ARHGEF28: variants seen among roughly 807,000 people sequenced by gnomAD.
The protein encoded by ARHGEF28 is Rho guanine nucleotide exchange factor 28.
Under a neutral mutation model 206.6 loss-of-function variants are expected in ARHGEF28, and 152 were observed. The observed-to-expected ratio is 0.74, with a 90% CI of 0.64 to 0.84. The LOEUF (loss-of-function observed/expected upper bound fraction) is 0.84, where lower values mean the gene tolerates loss of function less well. ARHGEF28 is among the 40% of genes least tolerant of loss of function. The probability of loss-of-function intolerance (pLI) is 0.00; values close to 1 mark genes in which losing one functional copy is unlikely to be tolerated. For synonymous variants in ARHGEF28, 763 were observed against 776.4 expected (o/e 0.98, Z 0.29); for missense variants, 2,028 against 2,073.2 (o/e 0.98, Z 0.42).
chr5:73,649,796 T>C (rs1001763967), intron 1 of ARHGEF28, among the ~76,000 whole-genome samples: 4 of 152,162 alleles, frequency 2.6e-5, no homozygotes, highest in Non-Finnish European at 4.4e-5. Flanking sequence ...TGTTCCTCCA[T>C]TGCCCAAGTA....
At chr5:73,782,340 G>C (rs1002592845) in intron 7 of ARHGEF28, among the ~76,000 whole-genome samples, 1 of 152,128 alleles carries the variant, frequency 6.6e-6, no homozygotes, top group Non-Finnish European at 1.5e-5. Context: ...TCGGGAGGCT[G>C]AGACAAGAGA....
chr5:73,849,001 C>T lies in ARHGEF28; in HGVS notation c.1661C>T (p.Ser554Leu). Reference sequence around the variant, plus strand: ...GAATCACTGCTTTCTGGAGTTCGCTCACGTTCTTATTCTTGCTCATCACCC... The same window carrying T: ...GAATCACTGCTTTCTGGAGTTCGCTTACGTTCTTATTCTTGCTCATCACCC... The part of the protein sequence containing the change: ...SKESLLSGVR[S>L]RSYSCSSPKI... Residue 554 changes from serine (S) to leucine (L), a missense_variant, in exon 13 of 36, where the codon TCA (serine) becomes TTA (leucine). Transcript: ENST00000513042. 2.5e-6 allele frequency: 4 copies of T among 1,573,806 alleles called. No individual in the cohort carries two copies. Among genetic ancestry groups the T allele is most frequent in the Non-Finnish European group, 3.5e-6 (4 of 1,157,284 alleles).
In ARHGEF28 at chr5:73,817,647, G is replaced by A. The variant is rs1756305694; in HGVS notation, c.1025-14691G>A. On this transcript the variant is annotated intron_variant, in intron 9 of 35. Coordinates refer to ENST00000513042, the MANE Select transcript of ARHGEF28 (RefSeq NM_001177693.2). ...ATGTTGTCTTGTAGAAGACCTGTAT[G>A]TTAGATGTGATTGTCATCTTCATTT... is the stretch of plus-strand genomic sequence containing the variant. Among the ~76,000 whole-genome samples the A allele has an allele frequency of 2.0e-5, 3 of 152,204 alleles. No homozygotes were observed. In the South Asian group the frequency reaches 6.2e-4, roughly 32 times the overall value.
intron 29 of ARHGEF28, among the ~76,000 whole-genome samples, chr5:73,897,002 T>C (rs139918623): frequency 2.4e-4 from 36 of 152,276 alleles, no homozygotes; most frequent in African/African-American, 8.2e-4. Context: ...CTTATCAGAG[T>C]GAGGGAGTTA....
intron 2 of ARHGEF28, among the ~76,000 whole-genome samples, chr5:73,732,053 A>G (rs1750653436): frequency 6.7e-6 from 1 of 149,058 alleles, no homozygotes; most frequent in African/African-American, 2.5e-5. Flanking sequence ...ATGAACTAAC[A>G]TTGACACATC....
At chr5:73,726,404 A>G (rs976768917) in intron 2 of ARHGEF28, among the ~76,000 whole-genome samples, 1 of 152,100 alleles carries the variant, frequency 6.6e-6, no homozygotes, top group Non-Finnish European at 1.5e-5. Context: ...AAAATAATTT[A>G]TTTTCAAAGA....
rs944443023 is a variant in ARHGEF28, at chr5:73,755,117, T to C, written c.475+1915T>C. ...ATCGTCTGGAGATACACCCTTTCTATCTCACATATGTAAGTGATAGATGAC... is the reference window on the plus strand; with the variant it reads ...ATCGTCTGGAGATACACCCTTTCTACCTCACATATGTAAGTGATAGATGAC... On this transcript the variant is annotated intron_variant, in intron 4 of 35. Coordinates refer to ENST00000513042, the MANE Select transcript of ARHGEF28 (RefSeq NM_001177693.2). Among the ~76,000 whole-genome samples, 4 of 151,606 alleles carry C rather than the reference T, an allele frequency of 2.6e-5. No individual in the cohort carries two copies. In the East Asian group the frequency reaches 7.7e-4, roughly 29 times the overall value.
intron 1 of ARHGEF28, among the ~76,000 whole-genome samples, chr5:73,673,977 GC>G (rs1360111921): frequency 5.4e-4 from 81 of 149,646 alleles, no homozygotes; most frequent in African/African-American, 1.9e-3. Context: ...TTCAAGACCA[GC>G]CTGGGCAACA....
chr5:73,717,667 G>GT (rs1485846777), intron 2 of ARHGEF28, among the ~76,000 whole-genome samples: 2 of 152,112 alleles, frequency 1.3e-5, no homozygotes, highest in African/African-American at 4.8e-5. Flanking sequence ...TGCATGTCAG[G>GT]TATTGCACTA....
chr5:73,775,973 T>A lies in ARHGEF28; in HGVS notation c.660-543T>A, dbSNP rs756356705. Among the ~76,000 whole-genome samples, 94 of 113,448 alleles carry A rather than the reference T, an allele frequency of 8.3e-4. 1 individual carries two copies. Among genetic ancestry groups the A allele is most frequent in the Admixed American group, 8.8e-4 (10 of 11,366 alleles). The allele number at this position is 113,448 out of a possible 152,430, so 74.4% of individuals were successfully genotyped here. A position where few individuals can be genotyped will look rare whatever the true frequency, so the allele number is the denominator to read the frequency against. On this transcript the variant is annotated intron_variant, in intron 5 of 35. Coordinates refer to ENST00000513042, the MANE Select transcript of ARHGEF28 (RefSeq NM_001177693.2). Reference sequence around the variant, plus strand: ...GTCGTTCCTTTGTGTGTGAGTGTGTTCAGAAATACAACATGATCAAATTTG... The same window carrying A: ...GTCGTTCCTTTGTGTGTGAGTGTGTACAGAAATACAACATGATCAAATTTG...
chr5:73,842,757 TC>T (rs1442675203), intron 11 of ARHGEF28, among the ~76,000 whole-genome samples: 10 of 152,164 alleles, frequency 6.6e-5, no homozygotes, highest in African/African-American at 2.4e-4. Flanking sequence ...GGCAGGTGGA[TC>T]ACCTGAGGTC....
At chr5:73,727,693 G>A (rs1048708505) in intron 2 of ARHGEF28, among the ~76,000 whole-genome samples, 11 of 152,194 alleles carry the variant, frequency 7.2e-5, no homozygotes, top group Non-Finnish European at 1.3e-4. Flanking sequence ...GAGAACAGCT[G>A]TCATATCCTC....
intron 1 of ARHGEF28, among the ~76,000 whole-genome samples, chr5:73,684,292 A>G (rs529613576): frequency 4.9e-4 from 75 of 152,304 alleles, no homozygotes; most frequent in African/African-American, 1.7e-3. Flanking sequence ...GAGTTGGACT[A>G]TCTAGGTACC....
chr5:73,671,208 C>T (rs181189427), intron 1 of ARHGEF28, among the ~76,000 whole-genome samples: 2 of 152,180 alleles, frequency 1.3e-5, no homozygotes, highest in African/African-American at 2.4e-5. Flanking sequence ...GAGAGTTACC[C>T]TCCCTCATCA....
chr5:73,683,296 C>G (rs1747223337), intron 1 of ARHGEF28, among the ~76,000 whole-genome samples: 1 of 152,146 alleles, frequency 6.6e-6, no homozygotes, highest in African/African-American at 2.4e-5. Context: ...TTGTCCATCT[C>G]CAGAACACTT....
chr5:73,776,910 C>T (rs1753576230), intron 6 of ARHGEF28, among the ~76,000 whole-genome samples: 1 of 151,822 alleles, frequency 6.6e-6, no homozygotes, highest in African/African-American at 2.4e-5. Flanking sequence ...TTTTCTGAGC[C>T]AGTCTTTTCC....
intron 4 of ARHGEF28, among the ~76,000 whole-genome samples, chr5:73,756,166 T>C (rs1282788734): frequency 6.6e-6 from 1 of 152,208 alleles, no homozygotes; most frequent in African/African-American, 2.4e-5. Flanking sequence ...GTTGTGATGA[T>C]TTAATTAGAT....
chr5:73,776,734 C>CATGCA, intron 6 of ARHGEF28, 38 bp downstream of exon 6: 1 of 1,535,206 alleles, frequency 6.5e-7, no homozygotes. Context: ...ATAATGCATG[C>CATGCA]TTCAGAGAAT....
chr5:73,750,045 G>A lies in ARHGEF28; in HGVS notation c.181+61G>A, dbSNP rs534988531. ...AGTCTGCAAATAACTTCCCTCCAGG[G>A]CTGTAGGCCAGGAAGAGAGCCAGGA... On this transcript the variant is annotated intron_variant, in intron 3 of 35. Coordinates refer to ENST00000513042, the MANE Select transcript of ARHGEF28 (RefSeq NM_001177693.2). The A allele has an allele frequency of 2.0e-5, 32 of 1,581,030 alleles. 1 individual carries two copies. In the South Asian group the frequency reaches 2.6e-4, roughly 13 times the overall value.
Sources: gnomAD v4.1 joint callset for allele counts (sites outside exome capture counted in the v4.1 genomes callset) on GRCh38, gnomAD v4.1.1 for gene constraint, MANE v1.5 for transcripts, NCBI Gene and HGNC (gene_info 2026-07-23, HGNC 2026-07-21) for gene names.